Variants in ERCC6 observed in about 807,000 individuals in gnomAD.
ERCC6 encodes the protein ERCC excision repair 6, chromatin remodeling factor.
A neutral mutation model predicts 158.7 loss-of-function variants in ERCC6; 116 were observed. The ratio of observed to expected loss-of-function variants is 0.73; its 90% CI spans 0.63 to 0.85. The LOEUF (loss-of-function observed/expected upper bound fraction) is 0.85. Ranked by LOEUF, ERCC6 falls within the 40% of genes least tolerant of loss-of-function variation. The pLI is 0.00. For missense variants in ERCC6, 1,698 were observed against 1,799.4 expected (o/e 0.94, Z 1.02); for synonymous variants, 678 against 659.3 (o/e 1.03, Z -0.43).
intron 5 of ERCC6, among the ~76,000 whole-genome samples, chr10:49,510,609 G>A (rs1564433816): frequency 6.6e-6 from 1 of 152,132 alleles, no homozygotes; most frequent in Non-Finnish European, 1.5e-5. Flanking sequence ...ATCCATACCA[G>A]TGTCCTCCAC....
chr10:49,454,208 T>G (rs190766091), downstream of ERCC6, among the ~76,000 whole-genome samples: 154 of 152,330 alleles, frequency 1.0e-3, no homozygotes, highest in African/African-American at 3.6e-3. Flanking sequence ...CAATTTCTTC[T>G]GCCAGTTCAA....
chr10:49,484,457 CA>C (rs1236663972), intron 8 of ERCC6, among the ~76,000 whole-genome samples: 1 of 151,426 alleles, frequency 6.6e-6, no homozygotes. Context: ...TAAATAAAAA[CA>C]GCCAGGCAAA....
chr10:49,489,682 G>A (rs1485171761), intron 8 of ERCC6, among the ~76,000 whole-genome samples: 1 of 152,084 alleles, frequency 6.6e-6, no homozygotes, highest in African/African-American at 2.4e-5. Flanking sequence ...AAAGGTAGGA[G>A]AGAGACAACT....
At chr10:49,537,914 G>T (rs1285502674) in intron 1 of ERCC6, among the ~76,000 whole-genome samples, 1 of 152,184 alleles carries the variant, frequency 6.6e-6, no homozygotes, top group Non-Finnish European at 1.5e-5. Context: ...TAAAGACAGG[G>T]TTTCACCACG....
At chr10:49,501,030 G>T in intron 6 of ERCC6, 1 of 259,268 alleles carries the variant, frequency 3.9e-6, no homozygotes, top group South Asian at 4.9e-5. Context: ...TCACTTTCTG[G>T]GGGAAAAAAT....
chr10:49,527,426 G>A (rs1251945455), intron 4 of ERCC6, among the ~76,000 whole-genome samples: 8 of 152,228 alleles, frequency 5.3e-5, no homozygotes, highest in Non-Finnish European at 1.2e-4. Context: ...TGTAATCCCA[G>A]TACTTTGGGA....
At chr10:49,441,771 G>C in the ERCC6 span, among the ~76,000 whole-genome samples, 1 of 152,222 alleles carries the variant, frequency 6.6e-6, no homozygotes, top group Non-Finnish European at 1.5e-5. Context: ...GGTTTTCCTG[G>C]TGTCACAGGT....
intron 7 of ERCC6, among the ~76,000 whole-genome samples, chr10:49,498,848 G>A (rs4253122): frequency 0.017 from 2,519 of 152,176 alleles, 73 homozygotes; most frequent in African/African-American, 0.058. Context: ...AATAGGAAGG[G>A]AAGCAAAGAA....
At chr10:49,496,054 C>A (rs1851261371) in intron 7 of ERCC6, among the ~76,000 whole-genome samples, 1 of 152,196 alleles carries the variant, frequency 6.6e-6, no homozygotes, top group Non-Finnish European at 1.5e-5. Context: ...ACCACTTGCT[C>A]CTGTGGCTAG....
downstream of ERCC6, among the ~76,000 whole-genome samples, chr10:49,450,348 TA>T (rs71026249): frequency 0.89 from 135,360 of 152,248 alleles, 60,211 homozygotes; most frequent in East Asian, 1. Context: ...CACCATTTTT[TA>T]AAAAAATACA....
chr10:49,450,754 ATGC>A (rs755439605), downstream of ERCC6, among the ~76,000 whole-genome samples: 4 of 151,888 alleles, frequency 2.6e-5, no homozygotes, highest in Admixed American at 6.6e-5. Context: ...ATTCTTTTTG[ATGC>A]TATTATGAAT....
At chr10:49,536,257 C>G (rs536907872) in intron 1 of ERCC6, among the ~76,000 whole-genome samples, 1 of 152,220 alleles carries the variant, frequency 6.6e-6, no homozygotes, top group African/African-American at 2.4e-5. Flanking sequence ...TTGCCTCTGG[C>G]AGGGAGACAG....
intron 1 of ERCC6, among the ~76,000 whole-genome samples, chr10:49,536,228 G>T (rs1470987410): frequency 1.3e-5 from 2 of 152,300 alleles, no homozygotes; most frequent in East Asian, 3.9e-4. Context: ...ACAAGAGAGT[G>T]GCCTGTCCTT....
chr10:49,472,044 T>C (rs995565754), intron 16 of ERCC6, among the ~76,000 whole-genome samples: 1 of 152,220 alleles, frequency 6.6e-6, no homozygotes, highest in Non-Finnish European at 1.5e-5. Flanking sequence ...ACATTCAACC[T>C]TGTCATTTTT....
intron 5 of ERCC6, among the ~76,000 whole-genome samples, chr10:49,513,128 T>C (rs942563770): frequency 1.3e-5 from 2 of 152,238 alleles, no homozygotes; most frequent in Admixed American, 6.5e-5. Flanking sequence ...ATGCCAAATA[T>C]CTTATACATA....
intron 4 of ERCC6, among the ~76,000 whole-genome samples, chr10:49,526,107 TTATATATTTTTATATATATATATA>T (rs1287151930): frequency 2.2e-4 from 18 of 80,542 alleles, no homozygotes; most frequent in Middle Eastern, 5.7e-3. Context: ...ATTTATATAT[TTATATATTTTTATATATATATATA>T]TATATATATA....
rs1375307832 is a variant in ERCC6, at chr10:49,456,150, C to T, written c.*2665G>A. ...TATAATAGACTTCAAAAGACAGTAG[C>T]TTAAGCAAGTCAGTATTTTATTTTA... On this transcript the variant is annotated 3_prime_UTR_variant, in exon 21 of 21. Transcript: ENST00000355832. The T allele has an allele frequency of 6.6e-6, 1 of 152,166 alleles. No homozygotes were observed. Among genetic ancestry groups the T allele is most frequent in the African/African-American group, 2.4e-5 (1 of 41,426 alleles). 9.4% of individuals were successfully genotyped at this position (152,166 alleles called of 1,614,324 possible).
chr10:49,508,302 T>C (rs774621443), intron 5 of ERCC6, among the ~76,000 whole-genome samples: 1 of 152,212 alleles, frequency 6.6e-6, no homozygotes, highest in Non-Finnish European at 1.5e-5. Context: ...TTTATTGATA[T>C]ATGATGACCA....
chr10:49,505,894 T>G lies in ERCC6; in HGVS notation c.1516A>C (p.Lys506Gln). 6.2e-7 allele frequency: 1 copy of G among 1,613,260 alleles called. No individual in the cohort carries two copies. Among genetic ancestry groups the G allele is most frequent in the Non-Finnish European group, 8.5e-7 (1 of 1,179,468 alleles). The change falls in exon 6 of 21, where the codon AAG becomes CAG. Residue 506 changes from lysine (K) to glutamine (Q), a missense_variant. Physicochemically the swap from Lys to Gln is moderately conservative, Grantham distance 53. Transcript: ENST00000355832. Reference protein sequence around the residue: ...GFKVPGFLFKKLFKYQQTGVR... With the variant: ...GFKVPGFLFKQLFKYQQTGVR... ...ACATATGGTACATACTTAAAAAGCTTTTTGAACAGAAAACCTGGCACTTTA... is the reference window on the plus strand; with the variant it reads ...ACATATGGTACATACTTAAAAAGCTGTTTGAACAGAAAACCTGGCACTTTA...
Sources: gnomAD v4.1 joint callset for allele counts (sites outside exome capture counted in the v4.1 genomes callset) on GRCh38, gnomAD v4.1.1 for gene constraint, MANE v1.5 for transcripts, NCBI Gene and HGNC (gene_info 2026-07-23, HGNC 2026-07-21) for gene names.